ENTREP2: variants seen among roughly 807,000 people sequenced by gnomAD.
ENTREP2 encodes the protein protein ENTREP2.
At chr15:29,471,291 T>C in the ENTREP2 span, among the ~76,000 whole-genome samples, 1 of 152,216 alleles carries the variant, frequency 6.6e-6, no homozygotes, top group South Asian at 2.1e-4. Flanking sequence ...TGTTGGCTAA[T>C]GCATTGTGCA....
At chr15:29,504,300 T>G in the ENTREP2 span, among the ~76,000 whole-genome samples, 2 of 152,164 alleles carry the variant, frequency 1.3e-5, no homozygotes, top group South Asian at 4.1e-4. Context: ...AAGGGCACTC[T>G]ATAGAGGAGT....
At chr15:29,273,339 CAGG>C in the ENTREP2 span, among the ~76,000 whole-genome samples, 1 of 151,784 alleles carries the variant, frequency 6.6e-6, no homozygotes, top group African/African-American at 2.4e-5. Context: ...GCTAGGATTA[CAGG>C]TGTGTACCAC....
chr15:29,281,878 G>A, the ENTREP2 span, among the ~76,000 whole-genome samples: 61 of 152,268 alleles, frequency 4.0e-4, 1 homozygote, highest in South Asian at 0.012. Context: ...GAATGTGAGC[G>A]TGAAATGCTG....
At chr15:29,579,178 A>T in the ENTREP2 span, among the ~76,000 whole-genome samples, 6 of 152,226 alleles carry the variant, frequency 3.9e-5, no homozygotes, top group African/African-American at 1.4e-4. Context: ...AGTATGGGTC[A>T]CCTTCAATCA....
the ENTREP2 span, among the ~76,000 whole-genome samples, chr15:29,146,648 T>C: frequency 6.6e-6 from 1 of 152,076 alleles, no homozygotes; most frequent in Non-Finnish European, 1.5e-5. Flanking sequence ...TCTAAACACC[T>C]ATGTGCAGGC....
the ENTREP2 span, among the ~76,000 whole-genome samples, chr15:29,599,921 C>A: frequency 6.6e-6 from 1 of 151,860 alleles, no homozygotes. Context: ...TGCCTCAGCT[C>A]CCTACCTTCC....
chr15:29,256,467 T>C, the ENTREP2 span, among the ~76,000 whole-genome samples: 2 of 152,248 alleles, frequency 1.3e-5, no homozygotes, highest in Non-Finnish European at 2.9e-5. Flanking sequence ...ATTAATCTGT[T>C]GGATTTAATT....
At chr15:29,506,621 A>G in the ENTREP2 span, among the ~76,000 whole-genome samples, 1 of 152,258 alleles carries the variant, frequency 6.6e-6, no homozygotes, top group Admixed American at 6.5e-5. Flanking sequence ...CTTAAAGAAC[A>G]GAATTTTCAA....
At chr15:29,360,232 CCTT>C in the ENTREP2 span, among the ~76,000 whole-genome samples, 42 of 152,270 alleles carry the variant, frequency 2.8e-4, no homozygotes, top group African/African-American at 9.6e-4. Context: ...ACGGTAATTG[CCTT>C]CTTTCTGAAA....
the ENTREP2 span, among the ~76,000 whole-genome samples, chr15:29,145,636 A>AAC: frequency 6.6e-6 from 1 of 150,942 alleles, no homozygotes; most frequent in African/African-American, 2.4e-5. Context: ...AAAAAAAAAA[A>AAC]AAAAAAAAAC....
chr15:29,142,609 A>C, the ENTREP2 span, among the ~76,000 whole-genome samples: 1 of 152,214 alleles, frequency 6.6e-6, no homozygotes, highest in Non-Finnish European at 1.5e-5. Flanking sequence ...GCACCGCTTA[A>C]CCAGCTCCAT....
chr15:29,541,583 G>T, the ENTREP2 span, among the ~76,000 whole-genome samples: 1 of 152,156 alleles, frequency 6.6e-6, no homozygotes, highest in Non-Finnish European at 1.5e-5. Flanking sequence ...GCATAAGAAG[G>T]CATTACTGGG....
At chr15:29,415,336 G>C in the ENTREP2 span, among the ~76,000 whole-genome samples, 1 of 152,278 alleles carries the variant, frequency 6.6e-6, no homozygotes, top group South Asian at 2.1e-4. Flanking sequence ...GGGATGCAAG[G>C]CTGGTTCAAC....
At chr15:29,582,840 T>C in the ENTREP2 span, among the ~76,000 whole-genome samples, 1 of 151,980 alleles carries the variant, frequency 6.6e-6, no homozygotes, top group Non-Finnish European at 1.5e-5. Flanking sequence ...TTAGTAGAGA[T>C]GGGGTTTCTC....
the ENTREP2 span, among the ~76,000 whole-genome samples, chr15:29,144,979 GT>G: frequency 1.3e-5 from 2 of 152,026 alleles, no homozygotes; most frequent in African/African-American, 4.8e-5. Flanking sequence ...TCACTTGAAC[GT>G]GGGAGGTGGA....
the ENTREP2 span, among the ~76,000 whole-genome samples, chr15:29,623,755 G>C: frequency 5.9e-5 from 9 of 152,310 alleles, no homozygotes; most frequent in African/African-American, 1.9e-4. Flanking sequence ...GCACATGCAT[G>C]AGCCTGCAGG....
the ENTREP2 span, among the ~76,000 whole-genome samples, chr15:29,193,508 C>A: frequency 6.6e-6 from 1 of 152,172 alleles, no homozygotes; most frequent in East Asian, 1.9e-4. Context: ...GAGAGTTCCA[C>A]CATTGGTTTC....
chr15:29,403,594 T>C, the ENTREP2 span, among the ~76,000 whole-genome samples: 45 of 152,210 alleles, frequency 3.0e-4, no homozygotes, highest in African/African-American at 9.6e-4. Context: ...AGCTGTCTGG[T>C]AGACAAATTG....
At chr15:29,499,059 C>T in the ENTREP2 span, among the ~76,000 whole-genome samples, 7 of 152,258 alleles carry the variant, frequency 4.6e-5, no homozygotes, top group East Asian at 5.8e-4. Flanking sequence ...GATTTTCTTA[C>T]GGCAGCATAT....
Sources: gnomAD v4.1 joint callset for allele counts (sites outside exome capture counted in the v4.1 genomes callset) on GRCh38, gnomAD v4.1.1 for gene constraint, MANE v1.5 for transcripts, NCBI Gene and HGNC (gene_info 2026-07-23, HGNC 2026-07-21) for gene names.